The following SAMD4A variants were observed in gnomAD, a reference collection of about 807,000 sequenced individuals.
SAMD4A encodes the protein sterile alpha motif domain containing 4A.
A neutral mutation model predicts 81.3 loss-of-function variants in SAMD4A; 33 were observed. The ratio of observed to expected loss-of-function variants is 0.41; its 90% CI spans 0.31 to 0.54. The LOEUF (loss-of-function observed/expected upper bound fraction) is 0.54. SAMD4A is among the 20% of genes least tolerant of loss of function. SAMD4A has a pLI of 0.37. For missense variants in SAMD4A, 854 were observed against 951.1 expected (o/e 0.90, Z 1.34); for synonymous variants, 389 against 382.1 (o/e 1.02, Z -0.21).
intron 2 of SAMD4A, among the ~76,000 whole-genome samples, chr14:54,658,253 T>C (rs1364722113): frequency 6.6e-6 from 1 of 152,136 alleles, no homozygotes; most frequent in African/African-American, 2.4e-5. Context: ...GGAGGTTGCA[T>C]TGAGCCAAGA....
chr14:54,770,315 C>A, intron 9 of SAMD4A, 93 bp downstream of exon 9: 1 of 816,912 alleles, frequency 1.2e-6, no homozygotes, highest in Non-Finnish European at 2.0e-6. Flanking sequence ...TGGCAGGGCA[C>A]CATTCCTTGT....
chr14:54,600,086 G>A (rs978659370), intron 2 of SAMD4A, among the ~76,000 whole-genome samples: 3 of 152,188 alleles, frequency 2.0e-5, no homozygotes, highest in African/African-American at 7.2e-5. Flanking sequence ...CCTTTTGGCA[G>A]ATCAAATTTC....
At chr14:54,588,222 T>C (rs2033677657) in intron 2 of SAMD4A, among the ~76,000 whole-genome samples, 1 of 152,122 alleles carries the variant, frequency 6.6e-6, no homozygotes, top group African/African-American at 2.4e-5. Context: ...GTGGTATCAG[T>C]TGTATTATCT....
chr14:54,770,649 G>C (rs1295702110), intron 9 of SAMD4A, among the ~76,000 whole-genome samples: 1 of 152,250 alleles, frequency 6.6e-6, no homozygotes, highest in Non-Finnish European at 1.5e-5. Context: ...GCTAATTATA[G>C]TTGGTGGCAG....
chr14:54,619,238 G>A (rs1051206715), intron 2 of SAMD4A, among the ~76,000 whole-genome samples: 2 of 152,186 alleles, frequency 1.3e-5, no homozygotes, highest in Admixed American at 1.3e-4. Context: ...AGATATGGTT[G>A]TTATCAAGAC....
chr14:54,611,875 TA>T (rs1179117861), intron 2 of SAMD4A, among the ~76,000 whole-genome samples: 392 of 120,086 alleles, frequency 3.3e-3, no homozygotes, highest in Admixed American at 3.3e-3. Flanking sequence ...AGACTCTGTC[TA>T]AAAAAAAAAA....
chr14:54,734,462 G>A (rs1360121214), intron 3 of SAMD4A, among the ~76,000 whole-genome samples: 2 of 152,194 alleles, frequency 1.3e-5, no homozygotes, highest in African/African-American at 4.8e-5. Context: ...AAAGACCCTG[G>A]CACCTCAGGT....
In SAMD4A at chr14:54,686,037, G is replaced by A. The variant is rs189667127; in HGVS notation, c.197-16025G>A. 8.8e-4 allele frequency among the ~76,000 whole-genome samples: 134 copies of A among 152,336 alleles called. 1 individual carries two copies. Among genetic ancestry groups the A allele is most frequent in the Admixed American group, 1.4e-3 (22 of 15,310 alleles). ...CTCAGGGAGATCTTTCTAAGCTCCA[G>A]CGAAAGCTTTCTTGTACTCTAGCTT... On this transcript the variant is annotated intron_variant, in intron 2 of 12. Transcript: ENST00000554335.
At chr14:54,586,493 G>T (rs1365624864) in intron 2 of SAMD4A, among the ~76,000 whole-genome samples, 1 of 152,078 alleles carries the variant, frequency 6.6e-6, no homozygotes. Flanking sequence ...TGATCATGAC[G>T]TCTTTACCTA....
rs568634018 is a variant in SAMD4A, at chr14:54,751,506, A to G, written c.1145A>G (p.Glu382Gly). 9.3e-6 allele frequency: 15 copies of G among 1,609,334 alleles called. No homozygotes were observed. In the South Asian group the frequency reaches 1.2e-4, roughly 13 times the overall value. The change falls in exon 6 of 13, where the codon GAA (glutamate) becomes GGA (glycine). Residue 382 changes from glutamate to glycine, a missense_variant. Physicochemically the swap from Glu to Gly is moderately conservative, Grantham distance 98 (BLOSUM62 -2). Coordinates refer to ENST00000554335, the MANE Select transcript of SAMD4A (RefSeq NM_015589.6). ...GTCATCAGTATTCAGAAGCTCAAAG[A>G]AAGACAAAATCTCCTGAAGTCTTTG... The part of the protein sequence containing the change: ...KIVISIQKLK[E>G]RQNLLKSLER...
chr14:54,679,528 A>G lies in SAMD4A; in HGVS notation c.197-22534A>G, dbSNP rs76225721. Among the ~76,000 whole-genome samples the G allele has an allele frequency of 7.9e-3, 1,203 of 152,300 alleles. 15 individuals carry two copies. The highest frequency in any genetic ancestry group is 0.027 in the African/African-American group (1,141 of 41,568). On this transcript the variant is annotated intron_variant, in intron 2 of 12. Transcript: ENST00000554335. Reference sequence around the variant, plus strand: ...TTTCCATGGCTACCCTGAGGCCTGCATGGAAGTGGAGGCCTTAGTTTATAG... The same window carrying G: ...TTTCCATGGCTACCCTGAGGCCTGCGTGGAAGTGGAGGCCTTAGTTTATAG...
chr14:54,767,729 C>T (rs1036150297), intron 8 of SAMD4A, among the ~76,000 whole-genome samples: 17 of 152,220 alleles, frequency 1.1e-4, no homozygotes, highest in Non-Finnish European at 1.9e-4. Context: ...GGGCTGCCAG[C>T]GGAGGGGGCT....
chr14:54,658,548 C>G (rs1232272398), intron 2 of SAMD4A, among the ~76,000 whole-genome samples: 1 of 152,156 alleles, frequency 6.6e-6, no homozygotes, highest in Non-Finnish European at 1.5e-5. Context: ...ACCCGTATGT[C>G]CAAAAGCTTG....
intron 2 of SAMD4A, chr14:54,696,929 A>T (rs1216304647): frequency 1.3e-5 from 2 of 152,244 alleles, no homozygotes; most frequent in African/African-American, 2.4e-5. Flanking sequence ...TAAGTTTTCC[A>T]CTGTGTCCTG....
In SAMD4A at chr14:54,792,586, C is replaced by A. The variant is rs79147367; in HGVS notation, c.*3642C>A. On this transcript the variant is annotated 3_prime_UTR_variant, in exon 13 of 13. Transcript: ENST00000554335. ...ATTGGTCCCCTGGAGATGTCTGTAGCAGTCAGCTCCAGCTTGGGCCTGGGG... is the reference window on the plus strand; with the variant it reads ...ATTGGTCCCCTGGAGATGTCTGTAGAAGTCAGCTCCAGCTTGGGCCTGGGG... 6.6e-6 allele frequency: 1 copy of A among 152,184 alleles called. No homozygotes were observed. The highest frequency in any genetic ancestry group is 1.9e-4 in the East Asian group (1 of 5,204). 9.4% of individuals were successfully genotyped at this position (152,184 alleles called of 1,614,324 possible). A position where few individuals can be genotyped will look rare whatever the true frequency, so the allele number is the denominator to read the frequency against.
chr14:54,787,866 T>C (rs1318667021), intron 12 of SAMD4A, among the ~76,000 whole-genome samples: 1 of 152,234 alleles, frequency 6.6e-6, no homozygotes, highest in African/African-American at 2.4e-5. Context: ...CTACTGCTTA[T>C]AATTCCCCAA....
chr14:54,731,275 G>A (rs567403733), intron 3 of SAMD4A, among the ~76,000 whole-genome samples: 2 of 152,306 alleles, frequency 1.3e-5, no homozygotes. Flanking sequence ...ATTATATGCT[G>A]TGAAGCCTCA....
chr14:54,768,107 A>G (rs1247310901), intron 8 of SAMD4A, among the ~76,000 whole-genome samples: 1 of 152,206 alleles, frequency 6.6e-6, no homozygotes, highest in Non-Finnish European at 1.5e-5. Context: ...TTGGAAACTC[A>G]GGCCAGTTGT....
At chr14:54,706,294 A>AAAAG (rs1555345478) in intron 3 of SAMD4A, among the ~76,000 whole-genome samples, 1 of 139,862 alleles carries the variant, frequency 7.1e-6, no homozygotes, top group East Asian at 2.5e-4. Context: ...AAAAAAAAAA[A>AAAAG]AAGAAGAAGA....
Sources: allele counts gnomAD v4.1 joint callset (sites outside exome capture counted in the v4.1 genomes callset), GRCh38; gene constraint gnomAD v4.1.1; transcripts MANE v1.5; gene names NCBI Gene and HGNC (gene_info 2026-07-23, HGNC 2026-07-21).